Variants in SYNPR observed in about 807,000 individuals in gnomAD.
SYNPR encodes the protein synaptoporin.
A neutral mutation model predicts 32.9 loss-of-function variants in SYNPR; 23 were observed. The observed-to-expected ratio is 0.70, with a 90% CI of 0.50 to 0.99. The LOEUF is 0.99. Ranked by LOEUF, SYNPR falls within the 50% of genes least tolerant of loss-of-function variation. The pLI, the probability that SYNPR is intolerant of heterozygous loss-of-function variation, is 0.00. For synonymous variants in SYNPR, 146 were observed against 135.9 expected, an observed-to-expected ratio of 1.07 and a Z score of -0.52; for missense variants, 318 against 349.3, an observed-to-expected ratio of 0.91 and a Z score of 0.71.
chr3:63,296,542 T>C (rs1238857572), intron 2 of SYNPR, among the ~76,000 whole-genome samples: 1 of 152,212 alleles, frequency 6.6e-6, no homozygotes, highest in Admixed American at 6.5e-5. Context: ...ATGGAATTAG[T>C]GACTCCAAAG....
intron 2 of SYNPR, among the ~76,000 whole-genome samples, chr3:63,372,202 A>G (rs2087821633): frequency 6.6e-6 from 1 of 151,866 alleles, no homozygotes; most frequent in Non-Finnish European, 1.5e-5. Flanking sequence ...AACAAAGACT[A>G]TGTCCAGCAT....
chr3:63,381,605 A>G (rs1434198205), intron 2 of SYNPR, among the ~76,000 whole-genome samples: 1 of 152,170 alleles, frequency 6.6e-6, no homozygotes, highest in Non-Finnish European at 1.5e-5. Context: ...GCTGAAGTGA[A>G]TTTCTTTTAG....
At chr3:63,521,851 C>G (rs1701920850) in intron 3 of SYNPR, among the ~76,000 whole-genome samples, 1 of 152,194 alleles carries the variant, frequency 6.6e-6, no homozygotes, top group Admixed American at 6.5e-5. Flanking sequence ...CCTCAAGAGG[C>G]ATGCCTGAGG....
intron 2 of SYNPR, among the ~76,000 whole-genome samples, chr3:63,321,900 A>T (rs2087114807): frequency 6.6e-6 from 1 of 152,070 alleles, no homozygotes; most frequent in African/African-American, 2.4e-5. Flanking sequence ...GAGGTCAACT[A>T]AAAAGCAGCC....
chr3:63,486,527 G>C (rs1477020253), intron 3 of SYNPR, among the ~76,000 whole-genome samples: 1 of 152,122 alleles, frequency 6.6e-6, no homozygotes, highest in Admixed American at 6.6e-5. Context: ...TGTTTTCAGA[G>C]CTGAATCCTC....
At chr3:63,394,260 G>A (rs2088183545) in intron 2 of SYNPR, among the ~76,000 whole-genome samples, 1 of 152,046 alleles carries the variant, frequency 6.6e-6, no homozygotes, top group South Asian at 2.1e-4. Context: ...AACTTTCCTT[G>A]ACTATAATAC....
intron 2 of SYNPR, among the ~76,000 whole-genome samples, chr3:63,457,779 A>G (rs997082584): frequency 3.3e-5 from 5 of 152,112 alleles, no homozygotes; most frequent in African/African-American, 1.2e-4. Context: ...TATTTAGCGA[A>G]CTTTGGTCCA....
intron 2 of SYNPR, among the ~76,000 whole-genome samples, chr3:63,413,362 A>G (rs2088495046): frequency 1.3e-5 from 2 of 152,202 alleles, no homozygotes; most frequent in South Asian, 2.1e-4. Flanking sequence ...TAACAGGCCA[A>G]TGAGACTATT....
At chr3:63,270,357 A>G (rs1366584605) in intron 3 of SYNPR, among the ~76,000 whole-genome samples, 3 of 152,226 alleles carry the variant, frequency 2.0e-5, no homozygotes, top group Non-Finnish European at 4.4e-5. Context: ...ATATTTTGAA[A>G]ACAAAATGAA....
At chr3:63,571,453 C>T (rs1252194807) in intron 4 of SYNPR, among the ~76,000 whole-genome samples, 2 of 152,138 alleles carry the variant, frequency 1.3e-5, no homozygotes, top group East Asian at 3.9e-4. Context: ...GTTACTAACG[C>T]TTATCTGTTT....
chr3:63,271,314 C>T (rs1432087011), intron 3 of SYNPR, among the ~76,000 whole-genome samples: 1 of 152,014 alleles, frequency 6.6e-6, no homozygotes, highest in Non-Finnish European at 1.5e-5. Flanking sequence ...CCATGAGTGC[C>T]AAAGGAGTCC....
intron 2 of SYNPR, among the ~76,000 whole-genome samples, chr3:63,346,971 A>C (rs2087446482): frequency 6.6e-6 from 1 of 152,210 alleles, no homozygotes; most frequent in Non-Finnish European, 1.5e-5. Context: ...TTATGGAAGG[A>C]AACAGTCTTT....
intron 2 of SYNPR, among the ~76,000 whole-genome samples, chr3:63,462,851 C>T (rs1700611221): frequency 6.6e-6 from 1 of 152,132 alleles, no homozygotes; most frequent in Admixed American, 6.5e-5. Context: ...TTTTGATGCC[C>T]TCAACCAGCC....
the SYNPR span, among the ~76,000 whole-genome samples, chr3:63,216,999 G>C: frequency 1.1e-4 from 2 of 19,006 alleles, no homozygotes; most frequent in South Asian, 1.6e-3. Context: ...CTGCTGGGGG[G>C]TGCCTCCCAG....
intron 2 of SYNPR, 60 bp from the exon 3 acceptor site, chr3:63,480,772 T>G: frequency 6.3e-7 from 1 of 1,581,066 alleles, no homozygotes; most frequent in Admixed American, 1.7e-5. Context: ...TTTTGATATA[T>G]CTCATTAGAG....
chr3:63,265,241 C>CTTTTTTTTTTTTTTTTTTTTTTTTTT (rs71126590), intron 2 of SYNPR, among the ~76,000 whole-genome samples: 1 of 102,214 alleles, frequency 9.8e-6, no homozygotes. Flanking sequence ...TAATGACATT[C>CTTTTTTTTTTTTTTTTTTTTTTTTTT]TTTTTTTTTT....
chr3:63,382,231 C>G (rs9818966), intron 2 of SYNPR, among the ~76,000 whole-genome samples: 60,508 of 152,036 alleles, frequency 0.4, 12,200 homozygotes, highest in Middle Eastern at 0.52. Flanking sequence ...TCCAGGCTCC[C>G]AAGGTGATCT....
the SYNPR span, among the ~76,000 whole-genome samples, chr3:63,201,856 T>C: frequency 6.6e-6 from 1 of 152,300 alleles, no homozygotes; most frequent in Non-Finnish European, 1.5e-5. Context: ...ACTTGAATTA[T>C]AGGCTACTAT....
chr3:63,226,358 T>C (rs1005459846), upstream of SYNPR, among the ~76,000 whole-genome samples: 1 of 152,132 alleles, frequency 6.6e-6, no homozygotes, highest in Non-Finnish European at 1.5e-5. Context: ...TGGGTATGTA[T>C]CCAAAGGAAA....
Sources: gnomAD v4.1 joint callset for allele counts (sites outside exome capture counted in the v4.1 genomes callset) on GRCh38, gnomAD v4.1.1 for gene constraint, MANE v1.5 for transcripts, NCBI Gene and HGNC (gene_info 2026-07-23, HGNC 2026-07-21) for gene names.